Variants in LRP1B observed in about 807,000 individuals in gnomAD.
LRP1B encodes the protein low-density lipoprotein receptor-related protein 1B.
Under a neutral mutation model 556.6 loss-of-function variants are expected in LRP1B, and 217 were observed. The ratio of observed to expected loss-of-function variants is 0.39; its 90% CI spans 0.35 to 0.44. The LOEUF is 0.44. LRP1B is among the 20% of genes least tolerant of loss of function. The pLI is 1.00. For missense variants in LRP1B, 5,053 were observed against 5,620.8 expected (o/e 0.90, Z 3.23); for synonymous variants, 2,047 against 1,865.8 (o/e 1.10, Z -2.50).
intron 7 of LRP1B, among the ~76,000 whole-genome samples, chr2:141,087,141 C>T (rs1700066756): frequency 6.6e-6 from 1 of 152,108 alleles, no homozygotes; most frequent in African/African-American, 2.4e-5. Context: ...AACTTTCATT[C>T]CTTGTAAATA....
At chr2:141,563,880 A>G (rs1416972384) in intron 2 of LRP1B, among the ~76,000 whole-genome samples, 1 of 151,958 alleles carries the variant, frequency 6.6e-6, no homozygotes, top group African/African-American at 2.4e-5. Flanking sequence ...TGGAGAGGAG[A>G]GGGAGGGAGA....
chr2:140,290,207 AAGG>A (rs1288858882), intron 84 of LRP1B, among the ~76,000 whole-genome samples: 28 of 152,190 alleles, frequency 1.8e-4, no homozygotes, highest in African/African-American at 5.8e-4. Flanking sequence ...TTCTAGGAAA[AAGG>A]AGAGTTAAGA....
intron 2 of LRP1B, among the ~76,000 whole-genome samples, chr2:141,790,340 A>C (rs1284832993): frequency 6.6e-6 from 1 of 151,508 alleles, no homozygotes; most frequent in East Asian, 1.9e-4. Context: ...AAAAAACTCC[A>C]CAAATAATTA....
intron 32 of LRP1B, among the ~76,000 whole-genome samples, chr2:140,790,371 A>C (rs1209866157): frequency 6.6e-6 from 1 of 152,174 alleles, no homozygotes; most frequent in Non-Finnish European, 1.5e-5. Flanking sequence ...AGAGAGAAAA[A>C]ATTGAAAAGC....
At chr2:141,974,999 A>G (rs1200764033) in intron 1 of LRP1B, among the ~76,000 whole-genome samples, 2 of 152,062 alleles carry the variant, frequency 1.3e-5, no homozygotes, top group African/African-American at 2.4e-5. Context: ...GAAATAATGT[A>G]TTATATTTCA....
intron 2 of LRP1B, among the ~76,000 whole-genome samples, chr2:141,710,179 C>T (rs1692307516): frequency 6.6e-6 from 1 of 152,070 alleles, no homozygotes; most frequent in African/African-American, 2.4e-5. Flanking sequence ...ACTACTATTT[C>T]TAAAATTTAA....
chr2:141,331,661 T>C (rs1559010719), intron 3 of LRP1B, among the ~76,000 whole-genome samples: 1 of 152,080 alleles, frequency 6.6e-6, no homozygotes, highest in Non-Finnish European at 1.5e-5. Context: ...AGAAATATTG[T>C]CTTAATAGGA....
At chr2:140,333,493 A>G (rs1680917488) in intron 79 of LRP1B, among the ~76,000 whole-genome samples, 1 of 152,100 alleles carries the variant, frequency 6.6e-6, no homozygotes, top group Non-Finnish European at 1.5e-5. Flanking sequence ...ATTTATGTAA[A>G]TAGACTAAAT....
chr2:140,754,815 T>C (rs939114731), intron 35 of LRP1B, among the ~76,000 whole-genome samples: 24 of 144,984 alleles, frequency 1.7e-4, no homozygotes, highest in African/African-American at 5.8e-4. Context: ...ACGATAAAGA[T>C]TAGAGTGAAA....
chr2:141,816,961 A>G (rs1489236385), intron 1 of LRP1B, among the ~76,000 whole-genome samples: 1 of 152,182 alleles, frequency 6.6e-6, no homozygotes, highest in Non-Finnish European at 1.5e-5. Flanking sequence ...AGCCTGCTAT[A>G]TAAACCACCT....
Position 141,637,119 on chromosome 2 carries a change from A to G in LRP1B, c.206-156586T>C, listed in dbSNP as rs114613585. Among the ~76,000 whole-genome samples, 1,119 of 152,324 alleles carry G rather than the reference A, an allele frequency of 7.3e-3. 13 individuals carry two copies. The highest frequency in any genetic ancestry group is 0.025 in the African/African-American group (1,025 of 41,576). On this transcript the variant is annotated intron_variant, in intron 2 of 90. Coordinates refer to ENST00000389484, the MANE Select transcript of LRP1B (RefSeq NM_018557.3). ...ATGTGAACTATGACAGAAAACGCAC[A>G]GAGTTAATAAAGCATCATCATCACA... is the stretch of plus-strand genomic sequence containing the variant.
intron 11 of LRP1B, among the ~76,000 whole-genome samples, chr2:141,048,748 C>T (rs936756384): frequency 1.3e-5 from 2 of 151,830 alleles, no homozygotes; most frequent in Admixed American, 6.6e-5. Context: ...GTTTTAATTC[C>T]GATAATATTT....
chr2:141,416,231 T>C (rs944752231), intron 3 of LRP1B, among the ~76,000 whole-genome samples: 1 of 152,134 alleles, frequency 6.6e-6, no homozygotes, highest in Non-Finnish European at 1.5e-5. Flanking sequence ...CAGTTAAGGC[T>C]CTAGATTACA....
chr2:141,837,800 T>A (rs1451655373), intron 1 of LRP1B, among the ~76,000 whole-genome samples: 1 of 152,138 alleles, frequency 6.6e-6, no homozygotes, highest in Admixed American at 6.5e-5. Flanking sequence ...TTGTGTGTAG[T>A]ATAGACTATT....
chr2:140,526,395 G>T, intron 47 of LRP1B, 45 bp from the exon 48 acceptor site: 1 of 1,132,668 alleles, frequency 8.8e-7, no homozygotes, highest in Non-Finnish European at 1.3e-6. Flanking sequence ...GGGACAGAAT[G>T]ACTCCTTGCT....
At chr2:140,576,357 G>C (rs1009909676) in intron 43 of LRP1B, among the ~76,000 whole-genome samples, 1 of 152,074 alleles carries the variant, frequency 6.6e-6, no homozygotes, top group African/African-American at 2.4e-5. Context: ...TTTGTAAGAC[G>C]TAAGTCAGAG....
At chr2:140,416,485 T>C (rs955241229) in intron 66 of LRP1B, among the ~76,000 whole-genome samples, 1 of 151,860 alleles carries the variant, frequency 6.6e-6, no homozygotes, top group African/African-American at 2.4e-5. Context: ...GTGAAACATG[T>C]CTCTACAAAA....
chr2:142,048,521 C>A (rs115330803), intron 1 of LRP1B, among the ~76,000 whole-genome samples: 1,795 of 152,100 alleles, frequency 0.012, 14 homozygotes, highest in Non-Finnish European at 0.019. Flanking sequence ...TTCAAACACC[C>A]TAAGTATTTA....
At chr2:141,335,177 A>G (rs919033092) in intron 3 of LRP1B, among the ~76,000 whole-genome samples, 1 of 152,220 alleles carries the variant, frequency 6.6e-6, no homozygotes, top group East Asian at 1.9e-4. Context: ...CAAGTTCACA[A>G]TATGATGGGG....
Sources: allele counts gnomAD v4.1 joint callset (sites outside exome capture counted in the v4.1 genomes callset), GRCh38; gene constraint gnomAD v4.1.1; transcripts MANE v1.5; gene names NCBI Gene and HGNC (gene_info 2026-07-23, HGNC 2026-07-21).